The following RET variants were observed in gnomAD, a reference collection of about 807,000 sequenced individuals.
RET encodes ret proto-oncogene.
In RET, 19 loss-of-function variants were observed where a neutral mutation model predicts 118.3. The ratio of observed to expected loss-of-function variants is 0.16; its 90% CI spans 0.11 to 0.24. The LOEUF is 0.24. RET is among the 10% of genes least tolerant of loss of function. The pLI is 1.00. For synonymous variants in RET, 597 were observed against 644.1 expected, an observed-to-expected ratio of 0.93 and a Z score of 1.11; for missense variants, 1,219 against 1,502.1, an observed-to-expected ratio of 0.81 and a Z score of 3.12.
At chr10:43,080,812 C>T (rs1185307124) in intron 1 of RET, among the ~76,000 whole-genome samples, 1 of 152,226 alleles carries the variant, frequency 6.6e-6, no homozygotes, top group Non-Finnish European at 1.5e-5. Context: ...GAAGGGCCGA[C>T]TGTGTGTGCT....
chr10:43,106,386 T>C lies in RET; in HGVS notation c.878T>C (p.Val293Ala), dbSNP rs745790708. 1 of 1,611,206 alleles carries C rather than the reference T, an allele frequency of 6.2e-7. No individual in the cohort carries two copies. The highest frequency in any genetic ancestry group is 8.5e-7 in the Non-Finnish European group (1 of 1,179,884). ...CTCTGCATCCTGCAGGACACCGTGG[T>C]GGCCACGCTGCGTGTCTTCGATGCA... is the stretch of plus-strand genomic sequence containing the variant. ...VEFKRKEDTV[V>A]ATLRVFDADV... Residue 293 changes from valine (V) to alanine (A), a missense_variant, in exon 5 of 20, where the codon GTG (valine) becomes GCG (alanine). Around this residue, in one of 5 missense-constraint regions of RET, gnomAD observed 850 missense variants for 969.6 expected, o/e 0.88. Transcript: ENST00000355710. This position sits in a 1 kb window ranked among gnomAD's most constrained non-coding sequence, Gnocchi z 5.1.
chr10:43,117,339 G>A (rs1838096325), intron 12 of RET, among the ~76,000 whole-genome samples: 1 of 152,220 alleles, frequency 6.6e-6, no homozygotes, highest in Non-Finnish European at 1.5e-5. Flanking sequence ...GCTTCCAGAT[G>A]CCTACCCAGC....
chr10:43,128,004 A>G, intron 19 of RET, 108 bp from the exon 20 acceptor site: 1 of 1,153,752 alleles, frequency 8.7e-7, no homozygotes, highest in Non-Finnish European at 1.3e-6. Context: ...TGGCACAGAA[A>G]CCACGAGTTT....
intron 19 of RET, among the ~76,000 whole-genome samples, chr10:43,127,669 C>T (rs1838365178): frequency 6.6e-6 from 1 of 151,996 alleles, no homozygotes; most frequent in Non-Finnish European, 1.5e-5. Flanking sequence ...ATGAGGCTGG[C>T]CCGTGTGCAC....
At position 43,116,696 on chromosome 10, in the gene RET, C is replaced by T. The variant is rs752830000; in HGVS notation, c.2249C>T (p.Ala750Val). 6.2e-7 allele frequency: 1 copy of T among 1,614,064 alleles called. No individual in the cohort carries two copies. The highest frequency in any genetic ancestry group is 8.5e-7 in the Non-Finnish European group (1 of 1,180,016). Residue 750 changes from alanine (A) to valine (V), a missense_variant, in exon 12 of 20, where the codon GCA becomes GTA. Physicochemically the swap from Ala to Val is moderately conservative, Grantham distance 64 (BLOSUM62 0). Transcript: ENST00000355710. ...KATAFHLKGRAGYTTVAVKML... is the reference protein window; with the variant it reads ...KATAFHLKGRVGYTTVAVKML... ...ACGGCCTTCCATCTGAAAGGCAGAG[C>T]AGGGTACACCACGGTGGCCGTGAAG...
At chr10:43,101,532 G>A (rs1222552177) in intron 2 of RET, among the ~76,000 whole-genome samples, 1 of 152,260 alleles carries the variant, frequency 6.6e-6, no homozygotes. Context: ...AGCATCTGAG[G>A]TTGGTCGTGG....
At chr10:43,082,456 A>G (rs1033763896) in intron 1 of RET, among the ~76,000 whole-genome samples, 1 of 152,196 alleles carries the variant, frequency 6.6e-6, no homozygotes, top group African/African-American at 2.4e-5. Context: ...ACCAGCGGGC[A>G]TAGGCTTTCC....
At chr10:43,105,262 T>G in intron 4 of RET, 69 bp downstream of exon 4, 1 of 1,605,452 alleles carries the variant, frequency 6.2e-7, no homozygotes, top group Non-Finnish European at 8.5e-7. Context: ...CTCGGTCGGT[T>G]TAGTGTCCGT....
Position 43,116,709 on chromosome 10 carries a change from G to C in RET, c.2262G>C (p.Thr754=), listed in dbSNP as rs779080598. ...TGAAAGGCAGAGCAGGGTACACCAC[G>C]GTGGCCGTGAAGATGCTGAAAGGTA... The part of the protein sequence containing the change: ...FHLKGRAGYT[T]VAVKMLKENA... Residue 754 remains threonine, a synonymous_variant, in exon 12 of 20, where the codon ACG becomes ACC. Transcript: ENST00000355710. 8 of 1,613,608 alleles carry C rather than the reference G, an allele frequency of 5.0e-6. No homozygotes were observed. The highest frequency in any genetic ancestry group is 5.1e-6 in the Non-Finnish European group (6 of 1,179,704).
rs1229955390 is a variant in RET at position 43,104,960 on chromosome 10, C to G, written c.634C>G (p.Leu212Val). ...VAYRLLEGEG[L>V]PFRCAPDSLE... ...GTCTGCTTGGTGCGCAGGTGAGGGT[C>G]TGCCCTTCCGCTGCGCCCCGGACAG... Residue 212 changes from leucine to valine, a missense_variant, in exon 4 of 20, where the codon CTG becomes GTG. This residue lies in a region of RET where 850 missense variants were observed against 969.6 expected (regional missense o/e 0.88). Transcript: ENST00000355710. 6.4e-7 allele frequency: 1 copy of G among 1,566,022 alleles called. No homozygotes were observed. The highest frequency in any genetic ancestry group is 8.6e-7 in the Non-Finnish European group (1 of 1,164,386).
At position 43,105,203 on chromosome 10, in the gene RET, C is replaced by T. The variant is rs2132709415; in HGVS notation, c.867+10C>T. On this transcript the variant is annotated intron_variant, in intron 4 of 19. Transcript: ENST00000355710. ...GTTCAAGCGGAAGGAGGTGCTTGTC[C>T]GCGCGTGCTGTGGTCTACCCAGTGT... 1 of 1,612,546 alleles carries T rather than the reference C, an allele frequency of 6.2e-7. No homozygotes were observed.
At position 43,113,689 on chromosome 10, in the gene RET, G is replaced by T. The variant is rs532810255; in HGVS notation, c.1879+14G>T. ...AAGACATCCAGGGTGAGTGGGTGGC[G>T]GCCGGGACCACCACCACCTCCCAGC... On this transcript the variant is annotated intron_variant, in intron 10 of 19. Transcript: ENST00000355710. 6.2e-7 allele frequency: 1 copy of T among 1,612,496 alleles called. No homozygotes were observed. Among genetic ancestry groups the T allele is most frequent in the Non-Finnish European group, 8.5e-7 (1 of 1,179,762 alleles).
chr10:43,085,971 C>G (rs2132554196), intron 1 of RET, among the ~76,000 whole-genome samples: 1 of 152,334 alleles, frequency 6.6e-6, no homozygotes, highest in African/African-American at 2.4e-5. Flanking sequence ...TCCCTCTGCT[C>G]TCCACTGCTC....
At chr10:43,095,373 C>A (rs1304127221) in intron 1 of RET, among the ~76,000 whole-genome samples, 4 of 152,174 alleles carry the variant, frequency 2.6e-5, no homozygotes. Flanking sequence ...CAACCCCTGG[C>A]CTGTCCCAGC....
chr10:43,100,762 C>T (rs1198523793), intron 2 of RET, 40 bp downstream of exon 2: 2 of 1,545,992 alleles, frequency 1.3e-6, no homozygotes, highest in African/African-American at 2.7e-5. Context: ...TGCCCCACCC[C>T]ACCCCTTCCT....
chr10:43,106,097 G>A lies in RET; in HGVS notation c.868-279G>A, dbSNP rs1428740088. The stretch of plus-strand genomic sequence containing the variant: ...GGACCTGGATGGGACCTGCCAGCAG[G>A]GTGCCTGGGCATCGGCTGTAATTCT... On this transcript the variant is annotated intron_variant, in intron 4 of 19. Coordinates refer to ENST00000355710, the MANE Select transcript of RET (RefSeq NM_020975.6). This position sits in a 1 kb window ranked among gnomAD's most constrained non-coding sequence, Gnocchi z 5.1. Among the ~76,000 whole-genome samples, 5 of 152,204 alleles carry A rather than the reference G, an allele frequency of 3.3e-5. No homozygotes were observed. The East Asian group carries it at 9.6e-4, about 29-fold the overall frequency.
At chr10:43,083,261 A>G (rs1187521240) in intron 1 of RET, among the ~76,000 whole-genome samples, 1 of 152,098 alleles carries the variant, frequency 6.6e-6, no homozygotes, top group Non-Finnish European at 1.5e-5. Flanking sequence ...GCCCCACAGC[A>G]CCTTGAAAAC....
rs2132666026 is a variant in RET at position 43,100,737 on chromosome 10, C to G, written c.337+15C>G. 1 of 1,577,456 alleles carries G rather than the reference C, an allele frequency of 6.3e-7. No homozygotes were observed. Among genetic ancestry groups the G allele is most frequent in the Non-Finnish European group, 8.6e-7 (1 of 1,162,558 alleles). The stretch of plus-strand genomic sequence containing the variant: ...CAGTGTCCGCAGTAAGGGAGCCGCC[C>G]CAACACCCACCCCGTGCCCCACCCC... On this transcript the variant is annotated intron_variant, in intron 2 of 19. Transcript: ENST00000355710.
chr10:43,094,152 G>A (rs1057455047), intron 1 of RET, among the ~76,000 whole-genome samples: 3 of 152,060 alleles, frequency 2.0e-5, no homozygotes, highest in Non-Finnish European at 4.4e-5. Context: ...TCAGCATGGG[G>A]CTGGAGGGAC....
Sources: gnomAD v4.1 joint callset for allele counts (sites outside exome capture counted in the v4.1 genomes callset) on GRCh38, gnomAD v4.1.1 for gene constraint, gnomAD v4.1.1 regional missense constraint, Gnocchi (gnomAD v3.1) non-coding constraint, MANE v1.5 for transcripts, NCBI Gene and HGNC (gene_info 2026-07-23, HGNC 2026-07-21) for gene names.